Variants in EPHA3 observed in about 807,000 individuals in gnomAD.
EPHA3 encodes the protein EPH receptor A3.
In EPHA3, 42 loss-of-function variants were observed where a neutral mutation model predicts 107.1. That is an observed-to-expected ratio of 0.39 (90% CI 0.31 to 0.51). The LOEUF (loss-of-function observed/expected upper bound fraction) is 0.51. EPHA3 is among the 20% of genes least tolerant of loss of function. The pLI is 0.78. For synonymous variants in EPHA3, 461 were observed against 424.8 expected (o/e 1.09, Z -1.05); for missense variants, 1,183 against 1,211.2 (o/e 0.98, Z 0.35).
At chr3:89,370,155 G>A (rs2107469892) in intron 5 of EPHA3, among the ~76,000 whole-genome samples, 1 of 150,908 alleles carries the variant, frequency 6.6e-6, no homozygotes, top group South Asian at 2.1e-4. Flanking sequence ...TTCCATTACT[G>A]GGTATATACC....
rs201571456 is a variant in EPHA3 at position 89,108,308 on chromosome 3, AG to A, written c.88+475del. The stretch of plus-strand genomic sequence containing the variant: ...ATCATGGCATTTATGAATGGACTAA[AG>A]GGAAATCAGAGTTTGTCGAAGCGGA... On this transcript the variant is annotated intron_variant, in intron 1 of 16. Transcript: ENST00000336596. Among the ~76,000 whole-genome samples, 1,309 of 152,290 alleles carry A rather than the reference AG, an allele frequency of 8.6e-3. 8 individuals carry two copies. Among genetic ancestry groups the A allele is most frequent in the East Asian group, 0.028 (144 of 5,170 alleles).
chr3:89,136,329 G>GATTTTTTTTTTTT (rs1559747476), intron 2 of EPHA3, among the ~76,000 whole-genome samples: 1 of 23,886 alleles, frequency 4.2e-5, no homozygotes, highest in Non-Finnish European at 8.6e-5. Flanking sequence ...AATCTTACAG[G>GATTTTTTTTTTTT]CTTTTTTTTT....
intron 3 of EPHA3, among the ~76,000 whole-genome samples, chr3:89,221,629 T>C (rs977564258): frequency 6.6e-6 from 1 of 152,168 alleles, no homozygotes; most frequent in Non-Finnish European, 1.5e-5. Flanking sequence ...TTGCCTACTA[T>C]GTACCCAGTG....
In EPHA3 at chr3:89,391,856, C is replaced by G. The variant is rs922002295; in HGVS notation, c.1307-3981C>G. ...CATATATCAGCTGTATCCAGAATAG[C>G]AAAAATTAAAGATCAAATATTAATA... On this transcript the variant is annotated intron_variant, in intron 5 of 16. Coordinates refer to ENST00000336596, the MANE Select transcript of EPHA3 (RefSeq NM_005233.6). 2.3e-4 allele frequency among the ~76,000 whole-genome samples: 35 copies of G among 152,062 alleles called. 1 individual carries two copies. The highest frequency in any genetic ancestry group is 6.8e-4 in the African/African-American group (28 of 41,474).
At chr3:89,154,022 T>C (rs896891476) in intron 2 of EPHA3, among the ~76,000 whole-genome samples, 21 of 152,056 alleles carry the variant, frequency 1.4e-4, no homozygotes, top group Non-Finnish European at 2.9e-5. Flanking sequence ...GGTTCCCCTT[T>C]GTCCTGAAGC....
chr3:89,399,537 C>T (rs763094731), intron 7 of EPHA3, 57 bp downstream of exon 7: 1 of 1,592,850 alleles, frequency 6.3e-7, no homozygotes, highest in Non-Finnish European at 8.6e-7. Context: ...CAAAAGATGT[C>T]TGATCGTTTA....
intron 11 of EPHA3, among the ~76,000 whole-genome samples, chr3:89,428,366 G>A (rs976878109): frequency 2.6e-5 from 4 of 151,944 alleles, no homozygotes; most frequent in Non-Finnish European, 5.9e-5. Context: ...AATTACACCA[G>A]CATCATGCTC....
At chr3:89,467,947 T>A (rs150879155) in intron 15 of EPHA3, among the ~76,000 whole-genome samples, 172 of 152,286 alleles carry the variant, frequency 1.1e-3, no homozygotes, top group African/African-American at 3.8e-3. Flanking sequence ...AGTAAAAGTG[T>A]GAGCTCACGG....
chr3:89,375,854 G>C (rs1708394669), intron 5 of EPHA3, among the ~76,000 whole-genome samples: 1 of 151,878 alleles, frequency 6.6e-6, no homozygotes, highest in Non-Finnish European at 1.5e-5. Context: ...GATGATGATA[G>C]GTTCCATATG....
intron 3 of EPHA3, among the ~76,000 whole-genome samples, chr3:89,251,522 G>A (rs978547940): frequency 6.6e-6 from 1 of 151,870 alleles, no homozygotes; most frequent in Non-Finnish European, 1.5e-5. Context: ...CAACCCTGAA[G>A]GAAGTGGCTA....
chr3:89,186,145 C>A (rs565332691), intron 2 of EPHA3, among the ~76,000 whole-genome samples: 1 of 151,868 alleles, frequency 6.6e-6, no homozygotes, highest in South Asian at 2.1e-4. Context: ...TATAGTCTTA[C>A]ATTCATAATT....
At chr3:89,228,478 G>C (rs1049748097) in intron 3 of EPHA3, among the ~76,000 whole-genome samples, 2 of 151,846 alleles carry the variant, frequency 1.3e-5, no homozygotes, top group East Asian at 1.9e-4. Context: ...ATATGGAGAA[G>C]CATAATGACA....
chr3:89,244,900 G>C (rs1011226933), intron 3 of EPHA3, among the ~76,000 whole-genome samples: 2 of 152,202 alleles, frequency 1.3e-5, no homozygotes, highest in African/African-American at 4.8e-5. Flanking sequence ...CAATTGAGCA[G>C]ATTGTTCTGG....
intron 2 of EPHA3, among the ~76,000 whole-genome samples, chr3:89,140,236 T>G (rs1704403528): frequency 6.6e-6 from 1 of 151,880 alleles, no homozygotes; most frequent in Non-Finnish European, 1.5e-5. Context: ...AATGTTGCTA[T>G]GTAACTAAAA....
chr3:89,165,159 C>G (rs1194661729), intron 2 of EPHA3, among the ~76,000 whole-genome samples: 1 of 152,182 alleles, frequency 6.6e-6, no homozygotes, highest in Non-Finnish European at 1.5e-5. Context: ...GACAATCCCA[C>G]TGGGATCCAT....
chr3:89,392,051 C>G lies in EPHA3; in HGVS notation c.1307-3786C>G, dbSNP rs533015987. On this transcript the variant is annotated intron_variant, in intron 5 of 16. Transcript: ENST00000336596. ...TTGCTAACTTGCGTCAATGCCTGCA[C>G]CAGTTTCTCAGCATCCTATTCTGTC... Among the ~76,000 whole-genome samples, 53 of 152,206 alleles carry G rather than the reference C, an allele frequency of 3.5e-4. 1 individual carries two copies. The South Asian group carries it at 6.2e-3, about 18-fold the overall frequency.
rs150716276 is a variant in EPHA3 at position 89,453,809 on chromosome 3, A to G, written c.2690+3439A>G. On this transcript the variant is annotated intron_variant, in intron 15 of 16. Coordinates refer to ENST00000336596, the MANE Select transcript of EPHA3 (RefSeq NM_005233.6). ...AAATGCTTTATTGAGAAAATAAGCC[A>G]TTAGATGGGAACTTCCCACAGCAAA... Among the ~76,000 whole-genome samples the G allele has an allele frequency of 5.9e-5, 9 of 152,294 alleles. No individual in the cohort carries two copies. The East Asian group carries it at 1.7e-3, about 29-fold the overall frequency.
At position 89,288,960 on chromosome 3, in the gene EPHA3, A is replaced by G. The variant is rs192029739; in HGVS notation, c.815-51956A>G. On this transcript the variant is annotated intron_variant, in intron 3 of 16. Coordinates refer to ENST00000336596, the MANE Select transcript of EPHA3 (RefSeq NM_005233.6). ...ATAACAAAATATCATTTATGTATAC[A>G]TTAAATATACTTTGACAATTACCAT... 3.3e-5 allele frequency among the ~76,000 whole-genome samples: 5 copies of G among 152,312 alleles called. No homozygotes were observed. In the East Asian group the frequency reaches 9.6e-4, roughly 29 times the overall value.
chr3:89,189,304 A>C (rs1390129597), intron 2 of EPHA3, among the ~76,000 whole-genome samples: 1 of 152,196 alleles, frequency 6.6e-6, no homozygotes, highest in Non-Finnish European at 1.5e-5. Context: ...GTTGAAAACT[A>C]TACTAAGAGA....
Sources: gnomAD v4.1 joint callset for allele counts (sites outside exome capture counted in the v4.1 genomes callset) on GRCh38, gnomAD v4.1.1 for gene constraint, MANE v1.5 for transcripts, NCBI Gene and HGNC (gene_info 2026-07-23, HGNC 2026-07-21) for gene names.